Variants in CSMD1 observed in about 807,000 individuals in gnomAD.
CSMD1 encodes CUB and Sushi multiple domains 1, also known as CUB and sushi domain-containing protein 1.
Under a neutral mutation model 417.5 loss-of-function variants are expected in CSMD1, and 213 were observed. The ratio of observed to expected loss-of-function variants is 0.51; its 90% CI spans 0.46 to 0.57. CSMD1 has a LOEUF of 0.57. Ranked by LOEUF, CSMD1 falls within the 20% of genes least tolerant of loss-of-function variation. The pLI is 0.00. For missense variants in CSMD1, 6,923 were observed against 4,529.7 expected, an observed-to-expected ratio of 1.53 and a Z score of -15.17; for synonymous variants, 2,862 against 1,736.8, an observed-to-expected ratio of 1.65 and a Z score of -16.11.
intron 21 of CSMD1, among the ~76,000 whole-genome samples, chr8:3,357,920 ATGTTTATT>A (rs1808899413): frequency 6.6e-6 from 1 of 152,190 alleles, no homozygotes; most frequent in African/African-American, 2.4e-5. Context: ...GATTTGATTC[ATGTTTATT>A]TGTTTAATTT....
rs575529807 is a variant in CSMD1, at chr8:3,965,054, G to A, written c.818+32849C>T. ...TACACAATGTGCTTGTAAATATTGA[G>A]ATAAAATCCATAAAGCACTCGCCGC... On this transcript the variant is annotated intron_variant, in intron 5 of 69. Coordinates refer to ENST00000635120, the MANE Select transcript of CSMD1 (RefSeq NM_033225.6). Among the ~76,000 whole-genome samples the A allele has an allele frequency of 2.3e-4, 35 of 152,252 alleles. 1 individual carries two copies. The South Asian group carries it at 6.2e-3, about 27-fold the overall frequency.
chr8:4,166,152 A>G (rs1559564), intron 3 of CSMD1, among the ~76,000 whole-genome samples: 1 of 152,060 alleles, frequency 6.6e-6, no homozygotes, highest in African/African-American at 2.4e-5. Context: ...CCATAACATT[A>G]TTTTAAATTT....
chr8:4,886,201 G>C (rs968257157), intron 1 of CSMD1, among the ~76,000 whole-genome samples: 5 of 151,994 alleles, frequency 3.3e-5, no homozygotes, highest in African/African-American at 1.2e-4. Context: ...ATGTTGGCCA[G>C]GCTGGTCTCA....
chr8:3,069,617 T>G (rs1813190328), intron 49 of CSMD1, among the ~76,000 whole-genome samples: 2 of 152,280 alleles, frequency 1.3e-5, no homozygotes, highest in Non-Finnish European at 2.9e-5. Flanking sequence ...TTCTGTGGTT[T>G]TGCAGGGAGC....
chr8:3,905,168 G>C (rs961258787), intron 5 of CSMD1, among the ~76,000 whole-genome samples: 1 of 151,692 alleles, frequency 6.6e-6, no homozygotes, highest in Non-Finnish European at 1.5e-5. Context: ...ATTAATAACA[G>C]GCAAACATAG....
At chr8:4,628,184 C>G (rs2130833553) in intron 2 of CSMD1, among the ~76,000 whole-genome samples, 1 of 150,890 alleles carries the variant, frequency 6.6e-6, no homozygotes, top group South Asian at 2.1e-4. Flanking sequence ...TAAAATTTTT[C>G]TTGCAGTTCT....
chr8:4,768,406 C>G (rs1273251121), intron 1 of CSMD1, among the ~76,000 whole-genome samples: 1 of 152,216 alleles, frequency 6.6e-6, no homozygotes, highest in African/African-American at 2.4e-5. Flanking sequence ...TCCATACAGT[C>G]TGCCGGGTGT....
At position 4,365,990 on chromosome 8, in the gene CSMD1, T is replaced by C. The variant is rs185796765; in HGVS notation, c.415+53963A>G. 2.2e-4 allele frequency among the ~76,000 whole-genome samples: 33 copies of C among 152,288 alleles called. No homozygotes were observed. In the East Asian group the frequency reaches 6.0e-3, roughly 28 times the overall value. On this transcript the variant is annotated intron_variant, in intron 3 of 69. Transcript: ENST00000635120. ...CAGGTTTGTTCATGGGGAAACTGTG[T>C]GTTGTTGAGGCTTGATTTAGGAATG...
chr8:3,157,414 G>C (rs1036605396), intron 39 of CSMD1, among the ~76,000 whole-genome samples: 3 of 152,134 alleles, frequency 2.0e-5, no homozygotes, highest in African/African-American at 7.2e-5. Flanking sequence ...CCGGCTGATT[G>C]TGCCCCCAGG....
chr8:3,348,666 G>T (rs1362306351), intron 21 of CSMD1, among the ~76,000 whole-genome samples: 2 of 152,048 alleles, frequency 1.3e-5, no homozygotes, highest in African/African-American at 4.8e-5. Flanking sequence ...TCTTCAGGAT[G>T]TCACATCCCT....
At chr8:4,002,466 A>G (rs1041983115) in intron 4 of CSMD1, among the ~76,000 whole-genome samples, 2 of 152,230 alleles carry the variant, frequency 1.3e-5, no homozygotes, top group African/African-American at 2.4e-5. Context: ...GTTTCCTCTT[A>G]GATCTATGAA....
intron 1 of CSMD1, among the ~76,000 whole-genome samples, chr8:4,652,001 AG>A (rs2130897674): frequency 6.6e-6 from 1 of 152,346 alleles, no homozygotes; most frequent in Admixed American, 6.5e-5. Context: ...AGACTCAATT[AG>A]AAAAATGTCT....
At chr8:4,959,016 A>C (rs910638132) in intron 1 of CSMD1, among the ~76,000 whole-genome samples, 4 of 152,206 alleles carry the variant, frequency 2.6e-5, no homozygotes, top group Admixed American at 6.5e-5. Flanking sequence ...TGTATGCTTT[A>C]ACTGAGATTA....
intron 27 of CSMD1, among the ~76,000 whole-genome samples, chr8:3,226,024 T>G (rs528714713): frequency 1.3e-5 from 2 of 152,310 alleles, no homozygotes; most frequent in South Asian, 4.1e-4. Context: ...TAGCAGCTCC[T>G]TCACCACCAG....
At chr8:2,987,500 C>T (rs1806023989) in intron 54 of CSMD1, among the ~76,000 whole-genome samples, 1 of 151,128 alleles carries the variant, frequency 6.6e-6, no homozygotes, top group Admixed American at 6.6e-5. Context: ...ATAAAATCTA[C>T]AATACCTTTT....
intron 3 of CSMD1, among the ~76,000 whole-genome samples, chr8:4,367,800 G>T (rs552563782): frequency 1.2e-4 from 19 of 152,122 alleles, no homozygotes; most frequent in Non-Finnish European, 2.6e-4. Context: ...ATATCCCTAG[G>T]TATTTTATTC....
chr8:2,954,457 C>A (rs984946777), intron 64 of CSMD1, among the ~76,000 whole-genome samples, 189 bp from the exon 65 acceptor site: 1 of 151,836 alleles, frequency 6.6e-6, no homozygotes, highest in Admixed American at 6.6e-5. Flanking sequence ...TGTGGGAAAG[C>A]GGAGTTTAAG....
chr8:4,903,885 C>T lies in CSMD1; in HGVS notation c.85+90447G>A, dbSNP rs116530158. Among the ~76,000 whole-genome samples, 1,071 of 152,290 alleles carry T rather than the reference C, an allele frequency of 7.0e-3. 12 individuals are homozygous for T. The highest frequency in any genetic ancestry group is 0.024 in the African/African-American group (1,011 of 41,552). The stretch of plus-strand genomic sequence containing the variant: ...ACATCAGCTGCATGGATGCCTTCAA[C>T]GCCGATAATGCATTTATTGACATTG... On this transcript the variant is annotated intron_variant, in intron 1 of 69. Coordinates refer to ENST00000635120, the MANE Select transcript of CSMD1 (RefSeq NM_033225.6).
At chr8:4,914,429 T>A (rs377381636) in intron 1 of CSMD1, among the ~76,000 whole-genome samples, 36 of 151,440 alleles carry the variant, frequency 2.4e-4, no homozygotes, top group African/African-American at 7.5e-4. Context: ...TACAAAAAAA[T>A]TAACCGGGTG....
Sources: gnomAD v4.1 joint callset for allele counts (sites outside exome capture counted in the v4.1 genomes callset) on GRCh38, gnomAD v4.1.1 for gene constraint, MANE v1.5 for transcripts, NCBI Gene and HGNC (gene_info 2026-07-23, HGNC 2026-07-21) for gene names.